Variants in SPATA17 observed in about 807,000 individuals in gnomAD.
The protein encoded by SPATA17 is spermatogenesis-associated protein 17.
In SPATA17, 53 loss-of-function variants were observed where a neutral mutation model predicts 62.2. The ratio of observed to expected loss-of-function variants is 0.85; its 90% CI spans 0.68 to 1.07. The LOEUF is 1.07. Ranked by LOEUF, SPATA17 falls within the 50% of genes least tolerant of loss-of-function variation. SPATA17 has a pLI of 0.00. For missense variants in SPATA17, 466 were observed against 425.5 expected (o/e 1.10, Z -0.84); for synonymous variants, 146 against 146.8 (o/e 0.99, Z 0.04).
chr1:217,663,065 A>G (rs1670604719), intron 3 of SPATA17, among the ~76,000 whole-genome samples: 1 of 152,212 alleles, frequency 6.6e-6, no homozygotes, highest in Non-Finnish European at 1.5e-5. Context: ...GGTTCACCTA[A>G]TCTTAAAGAT....
chr1:217,764,059 T>C (rs554049441), intron 6 of SPATA17, among the ~76,000 whole-genome samples: 18 of 152,282 alleles, frequency 1.2e-4, no homozygotes, highest in Non-Finnish European at 2.6e-4. Flanking sequence ...GGTGCATTTA[T>C]TACTATTAAT....
At chr1:217,778,388 G>T (rs1297600132) in intron 7 of SPATA17, among the ~76,000 whole-genome samples, 4 of 152,054 alleles carry the variant, frequency 2.6e-5, no homozygotes, top group Non-Finnish European at 5.9e-5. Context: ...GGGCATGGTG[G>T]CACATGCCTG....
intron 9 of SPATA17, among the ~76,000 whole-genome samples, chr1:217,810,514 T>C (rs754069251): frequency 6.6e-5 from 10 of 151,474 alleles, no homozygotes; most frequent in South Asian, 2.1e-4. Context: ...CTCAGCTACT[T>C]GGGGGGCTGA....
chr1:217,673,311 A>T (rs1002577206), intron 4 of SPATA17, among the ~76,000 whole-genome samples: 1 of 152,130 alleles, frequency 6.6e-6, no homozygotes, highest in Non-Finnish European at 1.5e-5. Context: ...TGCCTTTACA[A>T]AACCCCTGTT....
intron 3 of SPATA17, 103 bp from the exon 4 acceptor site, chr1:217,668,927 CTTA>C (rs1488834841): frequency 2.0e-6 from 2 of 975,678 alleles, no homozygotes; most frequent in Non-Finnish European, 3.2e-6. Context: ...GGCTAGAACT[CTTA>C]TTATGTATTA....
At chr1:217,754,443 T>A (rs1672993018) in intron 6 of SPATA17, among the ~76,000 whole-genome samples, 1 of 152,104 alleles carries the variant, frequency 6.6e-6, no homozygotes, top group African/African-American at 2.4e-5. Context: ...ATGAAAGAAA[T>A]GGGGCTGTAA....
chr1:217,865,793 C>A (rs1303564693), intron 10 of SPATA17, among the ~76,000 whole-genome samples: 1 of 152,194 alleles, frequency 6.6e-6, no homozygotes, highest in African/African-American at 2.4e-5. Context: ...GCATTACAGG[C>A]TTCCCAACTT....
At chr1:217,739,309 A>G (rs902723407) in intron 5 of SPATA17, among the ~76,000 whole-genome samples, 1 of 152,174 alleles carries the variant, frequency 6.6e-6, no homozygotes, top group Non-Finnish European at 1.5e-5. Flanking sequence ...TGTCAGGAAG[A>G]TGACAGCCTG....
At chr1:217,844,925 A>T (rs550474993) in intron 9 of SPATA17, among the ~76,000 whole-genome samples, 1 of 152,016 alleles carries the variant, frequency 6.6e-6, no homozygotes, top group East Asian at 1.9e-4. Flanking sequence ...ATTTTTTTTT[A>T]TTCTAAAGTA....
intron 9 of SPATA17, among the ~76,000 whole-genome samples, chr1:217,846,371 G>A (rs560795595): frequency 6.6e-6 from 1 of 152,076 alleles, no homozygotes; most frequent in East Asian, 1.9e-4. Context: ...ATAAAGTAGA[G>A]TTTCAATGTG....
At chr1:217,733,325 C>T (rs556910498) in intron 5 of SPATA17, among the ~76,000 whole-genome samples, 1 of 152,256 alleles carries the variant, frequency 6.6e-6, no homozygotes, top group African/African-American at 2.4e-5. Flanking sequence ...CAAAGCCTAC[C>T]GAAGAGAGCA....
intron 5 of SPATA17, among the ~76,000 whole-genome samples, chr1:217,741,086 G>C (rs1261991001): frequency 3.3e-5 from 5 of 152,084 alleles, no homozygotes; most frequent in African/African-American, 1.2e-4. Context: ...TGAGAAAAAT[G>C]CTCAGATGAT....
intron 2 of SPATA17, among the ~76,000 whole-genome samples, chr1:217,650,630 G>C (rs1670289987): frequency 6.6e-6 from 1 of 151,976 alleles, no homozygotes; most frequent in Non-Finnish European, 1.5e-5. Flanking sequence ...CACCGTGTTG[G>C]CCAGGCTGGT....
intron 3 of SPATA17, among the ~76,000 whole-genome samples, chr1:217,658,177 G>A (rs1350458020): frequency 1.3e-5 from 2 of 152,202 alleles, no homozygotes; most frequent in Non-Finnish European, 2.9e-5. Context: ...ATAACCCAGT[G>A]TTGGAGGTGG....
At chr1:217,786,680 A>C (rs185774359) in intron 8 of SPATA17, among the ~76,000 whole-genome samples, 1 of 152,268 alleles carries the variant, frequency 6.6e-6, no homozygotes, top group Non-Finnish European at 1.5e-5. Context: ...AGTGAAACCC[A>C]TTAGGATAAA....
chr1:217,671,553 C>T (rs974880630), intron 4 of SPATA17, among the ~76,000 whole-genome samples: 3 of 152,200 alleles, frequency 2.0e-5, no homozygotes, highest in African/African-American at 7.2e-5. Flanking sequence ...AATAAAGTCT[C>T]TCCCTTATAA....
At position 217,789,117 on chromosome 1, in the gene SPATA17, T is replaced by C. The variant is rs182502656; in HGVS notation, c.872+6795T>C. ...TATATTGTAGCTGTATTTTAACTTA[T>C]ATAGGCTTTCATTTAAGAAACTGTA... On this transcript the variant is annotated intron_variant, in intron 8 of 10. Transcript: ENST00000366933. 2.4e-3 allele frequency among the ~76,000 whole-genome samples: 369 copies of C among 152,300 alleles called. 2 individuals carry two copies. The highest frequency in any genetic ancestry group is 0.017 in the Middle Eastern group (5 of 294).
At chr1:217,812,010 A>G (rs1674603469) in intron 9 of SPATA17, among the ~76,000 whole-genome samples, 1 of 152,198 alleles carries the variant, frequency 6.6e-6, no homozygotes, top group Non-Finnish European at 1.5e-5. Flanking sequence ...AAGGGCTGAC[A>G]TGATCTTATG....
At chr1:217,760,936 T>C (rs984981479) in intron 6 of SPATA17, among the ~76,000 whole-genome samples, 22 of 152,300 alleles carry the variant, frequency 1.4e-4, no homozygotes, top group African/African-American at 5.3e-4. Context: ...ACATATTTTG[T>C]GATTTTCTTC....
Sources: allele counts gnomAD v4.1 joint callset (sites outside exome capture counted in the v4.1 genomes callset), GRCh38; gene constraint gnomAD v4.1.1; transcripts MANE v1.5; gene names NCBI Gene and HGNC (gene_info 2026-07-23, HGNC 2026-07-21).